Variants in FYB1 observed in about 807,000 individuals in gnomAD.
The protein encoded by FYB1 is FYN-binding protein 1.
FYB1 carries 41 observed loss-of-function variants against 94.1 expected under a neutral mutation model. That is an observed-to-expected ratio of 0.44 (90% CI 0.34 to 0.57). FYB1 has a LOEUF of 0.57. Ranked by LOEUF, FYB1 falls within the 20% of genes least tolerant of loss-of-function variation. FYB1 has a pLI of 0.02. For synonymous variants in FYB1, 367 were observed against 353.2 expected (o/e 1.04, Z -0.44); for missense variants, 1,050 against 976.8 (o/e 1.07, Z -1.00).
intron 11 of FYB1, 47 bp from the exon 12 acceptor site, chr5:39,126,182 G>A: frequency 6.3e-7 from 1 of 1,592,454 alleles, no homozygotes; most frequent in Non-Finnish European, 8.6e-7. Context: ...TCAGCGGCAA[G>A]TGAAGACATT....
chr5:39,127,757 C>T lies in FYB1; in HGVS notation c.1891G>A (p.Glu631Lys). 1 of 1,602,978 alleles carries T rather than the reference C, an allele frequency of 6.2e-7. No individual in the cohort carries two copies. Among genetic ancestry groups the T allele is most frequent in the Non-Finnish European group, 8.5e-7 (1 of 1,174,536 alleles). Residue 631 changes from glutamate (E) to lysine (K), a missense_variant, in exon 11 of 19, where the codon GAA becomes AAA. Glu to Lys is a moderately conservative substitution (Grantham distance 56). Coordinates refer to ENST00000512982, the MANE Select transcript of FYB1 (RefSeq NM_001465.6). ...TATTCTTACCCATCATCAGCATCTT[C>T]CTCTTCAATCCCATCATAAATGTCA... Reference protein sequence around the residue: ...DDDIYDGIEEEDADDGSTLQV... With the variant: ...DDDIYDGIEEKDADDGSTLQV...
chr5:39,221,770 G>T (rs1334222560), upstream of FYB1, among the ~76,000 whole-genome samples: 2 of 152,194 alleles, frequency 1.3e-5, no homozygotes, highest in African/African-American at 2.4e-5. Flanking sequence ...GCCTAGGAGG[G>T]TAGGTCACCT....
chr5:39,184,203 T>C (rs1035847054), intron 2 of FYB1, among the ~76,000 whole-genome samples: 4 of 152,334 alleles, frequency 2.6e-5, no homozygotes, highest in Non-Finnish European at 5.9e-5. Flanking sequence ...AGCAGATTGT[T>C]GTCAAAGTTT....
intron 13 of FYB1, among the ~76,000 whole-genome samples, chr5:39,122,700 G>C (rs373188027): frequency 2.3e-4 from 35 of 152,116 alleles, no homozygotes; most frequent in African/African-American, 8.4e-4. Flanking sequence ...CAAGTGCAAT[G>C]AATGTCAGGA....
At chr5:39,240,363 A>T (rs970163363) in intron 1 of FYB1, among the ~76,000 whole-genome samples, 2 of 152,234 alleles carry the variant, frequency 1.3e-5, no homozygotes. Context: ...CAGGAAAAGA[A>T]AATCTCAACA....
chr5:39,233,211 C>T (rs1251292458), intron 1 of FYB1, among the ~76,000 whole-genome samples: 2 of 152,002 alleles, frequency 1.3e-5, no homozygotes, highest in Non-Finnish European at 2.9e-5. Flanking sequence ...AAATATTTGG[C>T]TGGGCAAATA....
chr5:39,179,822 A>G (rs1188683095), intron 2 of FYB1, among the ~76,000 whole-genome samples: 2 of 151,968 alleles, frequency 1.3e-5, no homozygotes, highest in Non-Finnish European at 2.9e-5. Flanking sequence ...CTGCACATGC[A>G]AGTCTATTCA....
At chr5:39,129,555 T>C (rs1740997018) in intron 10 of FYB1, among the ~76,000 whole-genome samples, 1 of 151,992 alleles carries the variant, frequency 6.6e-6, no homozygotes, top group Non-Finnish European at 1.5e-5. Context: ...TTGCAAACTA[T>C]TCATCTCAAA....
intron 7 of FYB1, among the ~76,000 whole-genome samples, chr5:39,135,651 T>A (rs1037269348): frequency 3.9e-5 from 6 of 152,224 alleles, no homozygotes; most frequent in African/African-American, 1.4e-4. Context: ...AATCTTTTGA[T>A]ATGCAAATAT....
At chr5:39,137,343 T>C (rs1329355009) in intron 7 of FYB1, 1 of 313,180 alleles carries the variant, frequency 3.2e-6, no homozygotes, top group African/African-American at 2.2e-5. Context: ...AAGGTAAATA[T>C]TCATTCACTC....
At chr5:39,183,341 A>T (rs1186806666) in intron 2 of FYB1, among the ~76,000 whole-genome samples, 2 of 152,096 alleles carry the variant, frequency 1.3e-5, no homozygotes, top group Admixed American at 6.5e-5. Flanking sequence ...GTTGTATGCA[A>T]GTCATCTTTA....
At chr5:39,115,234 A>G (rs189533732) in intron 16 of FYB1, among the ~76,000 whole-genome samples, 1 of 152,006 alleles carries the variant, frequency 6.6e-6, no homozygotes, top group African/African-American at 2.4e-5. Context: ...TAGCTGGACT[A>G]CAGGCATGTG....
rs189954869 is a variant in FYB1, at chr5:39,256,209, C to T, written c.-28+18194G>A. Reference sequence around the variant, plus strand: ...GCCCAAGAAGGCATTTTTTCCTCACCTATAGATTGACTACCTGTCTGCAAT... The same window carrying T: ...GCCCAAGAAGGCATTTTTTCCTCACTTATAGATTGACTACCTGTCTGCAAT... On this transcript the variant is annotated intron_variant, in intron 1 of 1. Transcript: ENST00000510188. 2.2e-3 allele frequency among the ~76,000 whole-genome samples: 341 copies of T among 152,200 alleles called. 9 individuals are homozygous for T. The South Asian group carries it at 0.055, about 25-fold the overall frequency.
Position 39,135,727 on chromosome 5 carries a change from C to T in FYB1, c.1516-713G>A, listed in dbSNP as rs181015552. ...AATTTATGATGGCATTAATTATAAA[C>T]ATTTATCATTATCATGTACCACTAA... On this transcript the variant is annotated intron_variant, in intron 7 of 18. Transcript: ENST00000512982. Among the ~76,000 whole-genome samples, 8 of 152,232 alleles carry T rather than the reference C, an allele frequency of 5.3e-5. No individual in the cohort carries two copies. The East Asian group carries it at 1.5e-3, about 29-fold the overall frequency.
chr5:39,250,049 C>T (rs1751649239), intron 1 of FYB1, among the ~76,000 whole-genome samples: 1 of 152,156 alleles, frequency 6.6e-6, no homozygotes, highest in Admixed American at 6.5e-5. Flanking sequence ...CTCTCTCTCT[C>T]TTTCTCTCCC....
chr5:39,274,191 G>A (rs1426525307), intron 1 of FYB1, among the ~76,000 whole-genome samples: 2 of 152,116 alleles, frequency 1.3e-5, no homozygotes, highest in Non-Finnish European at 2.9e-5. Flanking sequence ...CCAAAGTGCT[G>A]GGATTACAGG....
intron 1 of FYB1, chr5:39,270,485 C>A: frequency 7.6e-7 from 1 of 1,311,488 alleles, no homozygotes. Flanking sequence ...GACTGTGAAG[C>A]ACCCTCAACT....
At chr5:39,165,997 G>A (rs562260286) in intron 2 of FYB1, among the ~76,000 whole-genome samples, 12 of 152,288 alleles carry the variant, frequency 7.9e-5, no homozygotes, top group East Asian at 7.7e-4. Flanking sequence ...CAAGGATGTC[G>A]AGTAAAGGGA....
intron 2 of FYB1, among the ~76,000 whole-genome samples, chr5:39,159,257 C>A (rs1382374103): frequency 2.0e-5 from 3 of 152,148 alleles, no homozygotes; most frequent in African/African-American, 7.2e-5. Context: ...GCTGGCAACT[C>A]GGCATATAGA....
Sources: allele counts gnomAD v4.1 joint callset (sites outside exome capture counted in the v4.1 genomes callset), GRCh38; gene constraint gnomAD v4.1.1; transcripts MANE v1.5; gene names NCBI Gene and HGNC (gene_info 2026-07-23, HGNC 2026-07-21).